KIAA0825: variants seen among roughly 807,000 people sequenced by gnomAD.
The protein encoded by KIAA0825 is KIAA0825.
KIAA0825 carries 119 observed loss-of-function variants against 147.6 expected under a neutral mutation model. The ratio of observed to expected loss-of-function variants is 0.81; its 90% CI spans 0.69 to 0.94. The LOEUF is 0.94. Ranked by LOEUF, KIAA0825 falls within the 40% of genes least tolerant of loss-of-function variation. KIAA0825 has a pLI of 0.00. For missense variants in KIAA0825, 1,381 were observed against 1,472.7 expected, an observed-to-expected ratio of 0.94 and a Z score of 1.02; for synonymous variants, 470 against 518.1, an observed-to-expected ratio of 0.91 and a Z score of 1.26.
intron 20 of KIAA0825, among the ~76,000 whole-genome samples, chr5:94,193,810 C>T (rs2150006457): frequency 6.6e-6 from 1 of 152,276 alleles, no homozygotes; most frequent in South Asian, 2.1e-4. Context: ...TTCTGGAGTC[C>T]ATGCTCTGTA....
intron 1 of KIAA0825, among the ~76,000 whole-genome samples, chr5:94,587,308 T>C (rs1003144938): frequency 3.2e-4 from 48 of 152,046 alleles, no homozygotes; most frequent in Non-Finnish European, 5.6e-4. Context: ...TGTCTCAGCC[T>C]AAAATCTCCT....
intron 20 of KIAA0825, among the ~76,000 whole-genome samples, chr5:94,301,290 A>T (rs1318116707): frequency 6.6e-6 from 1 of 152,090 alleles, no homozygotes; most frequent in Non-Finnish European, 1.5e-5. Flanking sequence ...TGTCACACAG[A>T]CATTTCATAA....
intron 20 of KIAA0825, among the ~76,000 whole-genome samples, chr5:94,154,853 C>CCCCAGGACTG (rs924564118): frequency 2.6e-5 from 4 of 152,152 alleles, no homozygotes; most frequent in Admixed American, 6.6e-5. Flanking sequence ...CTCTCCACCT[C>CCCCAGGACTG]CCCAGGACTG....
intron 12 of KIAA0825, among the ~76,000 whole-genome samples, chr5:94,458,460 T>C (rs1287808052): frequency 6.6e-6 from 1 of 152,092 alleles, no homozygotes; most frequent in African/African-American, 2.4e-5. Context: ...AACAGGACAC[T>C]AGGTGGAGAG....
rs113739283 is a variant in KIAA0825, at chr5:94,496,079, G to A, written c.971-11149C>T. ...TGGGAAGGGATAAAAAGGGAAAGGT[G>A]GTGAGAGGCTAGGGGAGAGGCAGTC... On this transcript the variant is annotated intron_variant, in intron 5 of 20. Transcript: ENST00000682413. 2.8e-3 allele frequency among the ~76,000 whole-genome samples: 428 copies of A among 152,294 alleles called. 1 individual carries two copies. The highest frequency in any genetic ancestry group is 0.01 in the Middle Eastern group (3 of 294).
intron 20 of KIAA0825, among the ~76,000 whole-genome samples, chr5:94,309,920 C>G (rs1779009338): frequency 1.3e-5 from 2 of 151,702 alleles, no homozygotes; most frequent in Non-Finnish European, 2.9e-5. Context: ...TGGTTTCCCT[C>G]TGTTCCCTTG....
intron 5 of KIAA0825, among the ~76,000 whole-genome samples, chr5:94,511,916 G>T (rs1281218320): frequency 6.6e-6 from 1 of 152,032 alleles, no homozygotes; most frequent in African/African-American, 2.4e-5. Flanking sequence ...TTGAACCCAG[G>T]AGGCGGAGGT....
intron 2 of KIAA0825, among the ~76,000 whole-genome samples, 155 bp downstream of exon 2, chr5:94,582,278 C>A (rs1466341501): frequency 1.3e-5 from 2 of 152,110 alleles, no homozygotes; most frequent in Non-Finnish European, 1.5e-5. Flanking sequence ...TCAGGTAAAT[C>A]ATAAAGCCGA....
chr5:94,370,975 T>C (rs1473617809), intron 20 of KIAA0825, among the ~76,000 whole-genome samples: 2 of 152,048 alleles, frequency 1.3e-5, no homozygotes, highest in Non-Finnish European at 2.9e-5. Context: ...CTTAGACTTA[T>C]CAACCAATAA....
intron 10 of KIAA0825, among the ~76,000 whole-genome samples, chr5:94,468,121 A>G (rs957817103): frequency 3.3e-5 from 5 of 152,218 alleles, no homozygotes; most frequent in African/African-American, 1.2e-4. Context: ...TTGAAGCTAA[A>G]GCCTTGTCAT....
At chr5:94,331,680 G>A (rs1781283421) in intron 20 of KIAA0825, among the ~76,000 whole-genome samples, 1 of 152,002 alleles carries the variant, frequency 6.6e-6, no homozygotes, top group African/African-American at 2.4e-5. Context: ...AACAAATCAA[G>A]TGGAGCTTAT....
intron 14 of KIAA0825, among the ~76,000 whole-genome samples, chr5:94,418,145 A>G (rs1753709708): frequency 6.6e-6 from 1 of 152,206 alleles, no homozygotes; most frequent in Non-Finnish European, 1.5e-5. Flanking sequence ...GTAACAAATT[A>G]TATTTTAGCT....
At chr5:94,525,644 T>A (rs1362208369) in intron 3 of KIAA0825, among the ~76,000 whole-genome samples, 1 of 151,924 alleles carries the variant, frequency 6.6e-6, no homozygotes, top group Non-Finnish European at 1.5e-5. Flanking sequence ...GGACTCTTTA[T>A]CAAAGGTTTT....
intron 20 of KIAA0825, among the ~76,000 whole-genome samples, chr5:94,383,116 A>C (rs1748645191): frequency 6.6e-6 from 1 of 152,048 alleles, no homozygotes. Flanking sequence ...GTATAGGTGC[A>C]CACCTGGTGA....
At chr5:94,446,055 T>C (rs1321451008) in intron 13 of KIAA0825, among the ~76,000 whole-genome samples, 1 of 152,194 alleles carries the variant, frequency 6.6e-6, no homozygotes, top group Non-Finnish European at 1.5e-5. Flanking sequence ...CTCCTGAGGA[T>C]ACTAGAAGTC....
intron 2 of KIAA0825, among the ~76,000 whole-genome samples, chr5:94,543,108 T>C (rs1220040368): frequency 2.0e-5 from 3 of 152,162 alleles, no homozygotes; most frequent in African/African-American, 4.8e-5. Context: ...ACTCAACTCA[T>C]AGGTATTTGA....
intron 1 of KIAA0825, among the ~76,000 whole-genome samples, chr5:94,607,419 T>TG (rs1469893235): frequency 7.4e-6 from 1 of 134,284 alleles, no homozygotes; most frequent in Non-Finnish European, 1.6e-5. Flanking sequence ...GGTCAGGAGT[T>TG]GAAGACCAGC....
chr5:94,426,955 C>T (rs1754964905), intron 14 of KIAA0825, among the ~76,000 whole-genome samples: 2 of 152,178 alleles, frequency 1.3e-5, no homozygotes, highest in Non-Finnish European at 2.9e-5. Flanking sequence ...ACCTTGTAAT[C>T]GGTGAAGAAA....
chr5:94,412,112 C>A (rs2150682458), intron 15 of KIAA0825, among the ~76,000 whole-genome samples: 1 of 152,218 alleles, frequency 6.6e-6, no homozygotes, highest in East Asian at 1.9e-4. Context: ...GAACCCTTTA[C>A]AACTCAGTAA....
Sources: gnomAD v4.1 joint callset for allele counts (sites outside exome capture counted in the v4.1 genomes callset) on GRCh38, gnomAD v4.1.1 for gene constraint, MANE v1.5 for transcripts, NCBI Gene and HGNC (gene_info 2026-07-23, HGNC 2026-07-21) for gene names.